AVEN: variants seen among roughly 807,000 people sequenced by gnomAD.
AVEN encodes the protein apoptosis and caspase activation inhibitor.
AVEN carries 41 observed loss-of-function variants against 38.1 expected under a neutral mutation model. The observed-to-expected ratio is 1.08, with a 90% CI of 0.84 to 1.40. The LOEUF (loss-of-function observed/expected upper bound fraction) is 1.40, where lower values mean the gene tolerates loss of function less well. AVEN is among the 40% of genes most tolerant of loss of function. AVEN has a pLI of 0.00. For missense variants in AVEN, 605 were observed against 438.8 expected (o/e 1.38, Z -3.38); for synonymous variants, 206 against 171.8 (o/e 1.20, Z -1.56).
intron 2 of AVEN, among the ~76,000 whole-genome samples, chr15:33,930,126 G>GA (rs1251585082): frequency 9.2e-5 from 14 of 152,058 alleles, no homozygotes; most frequent in African/African-American, 2.9e-4. Flanking sequence ...CAAAGCAATA[G>GA]AAAAAAATTA....
chr15:33,915,370 G>C (rs1369407044), intron 2 of AVEN, among the ~76,000 whole-genome samples: 1 of 152,150 alleles, frequency 6.6e-6, no homozygotes, highest in African/African-American at 2.4e-5. Context: ...GTGTGAAAGG[G>C]GGATCATCCA....
chr15:34,003,237 G>A (rs1209280092), intron 1 of AVEN, 28 bp from the exon 2 acceptor site: 1 of 1,608,294 alleles, frequency 6.2e-7, no homozygotes, highest in East Asian at 2.2e-5. Flanking sequence ...AAATCAATAA[G>A]TAAGCAGTGG....
Position 33,960,047 on chromosome 15 carries a change from G to A in AVEN, c.445+42985C>T, listed in dbSNP as rs76336984. The stretch of plus-strand genomic sequence containing the variant: ...GAAAAGGCAAGGCAAGGGCCTTGTC[G>A]GATGACCCTTCAGAGCCTCAACTTC... On this transcript the variant is annotated intron_variant, in intron 2 of 5. Coordinates refer to ENST00000306730, the MANE Select transcript of AVEN (RefSeq NM_020371.3). 8.5e-4 allele frequency among the ~76,000 whole-genome samples: 130 copies of A among 152,264 alleles called. 2 individuals carry two copies. In the East Asian group the frequency reaches 0.021, roughly 25 times the overall value.
chr15:34,023,437 T>C (rs556189882), intron 1 of AVEN, among the ~76,000 whole-genome samples: 46 of 152,276 alleles, frequency 3.0e-4, no homozygotes, highest in African/African-American at 1.0e-3. Context: ...CATCACATAA[T>C]GATAGCCGAT....
intron 2 of AVEN, among the ~76,000 whole-genome samples, chr15:33,976,379 T>A (rs1242505976): frequency 6.6e-6 from 1 of 152,240 alleles, no homozygotes; most frequent in Non-Finnish European, 1.5e-5. Flanking sequence ...TAAAATACTT[T>A]AAAATATTTT....
At chr15:33,853,674 G>A in the AVEN span, 2 of 1,613,292 alleles carry the variant, frequency 1.2e-6, no homozygotes, top group Non-Finnish European at 8.5e-7. Flanking sequence ...CGGCTTCTCT[G>A]GTGTCATGGT....
chr15:33,866,929 C>G (rs972074736), intron 5 of AVEN, among the ~76,000 whole-genome samples: 1 of 151,724 alleles, frequency 6.6e-6, no homozygotes, highest in African/African-American at 2.4e-5. Flanking sequence ...TCACACCTTG[C>G]TAGTTGGTTT....
intron 2 of AVEN, among the ~76,000 whole-genome samples, chr15:33,904,700 T>TATATATATATAC (rs1567406542): frequency 2.9e-4 from 18 of 63,120 alleles, no homozygotes; most frequent in African/African-American, 8.3e-4. Context: ...AAAAAATATA[T>TATATATATATAC]ATATATATAT....
At chr15:33,877,846 G>C (rs1400748463) in intron 2 of AVEN, among the ~76,000 whole-genome samples, 1 of 152,220 alleles carries the variant, frequency 6.6e-6, no homozygotes, top group East Asian at 1.9e-4. Flanking sequence ...CTACTCAGGA[G>C]GCTGAGGCAG....
At chr15:34,042,639 G>A (rs779480029), upstream of AVEN, among the ~76,000 whole-genome samples, 18 of 151,832 alleles carry the variant, frequency 1.2e-4, no homozygotes, top group Non-Finnish European at 2.5e-4. Context: ...CCGACCTCAG[G>A]TGATCCATCC....
At chr15:34,056,929 C>T (rs1260633844) in intron 5 of AVEN, among the ~76,000 whole-genome samples, 1 of 152,076 alleles carries the variant, frequency 6.6e-6, no homozygotes, top group Admixed American at 6.5e-5. Flanking sequence ...GTCCCAGCCA[C>T]TCAGGAGGTT....
downstream of AVEN, chr15:33,857,686 C>T (rs2079837785): frequency 1.3e-6 from 2 of 1,511,060 alleles, no homozygotes; most frequent in East Asian, 4.5e-5. Flanking sequence ...TGCCCGTCCT[C>T]ACTCTTCCTC....
chr15:34,009,376 C>G (rs1403194072), intron 1 of AVEN, among the ~76,000 whole-genome samples: 1 of 152,120 alleles, frequency 6.6e-6, no homozygotes, highest in Non-Finnish European at 1.5e-5. Context: ...CACATAAATG[C>G]ATATTTCTTC....
Position 33,916,886 on chromosome 15 carries a change from A to G in AVEN, c.446-40891T>C, listed in dbSNP as rs376515852. Among the ~76,000 whole-genome samples, 29 of 152,234 alleles carry G rather than the reference A, an allele frequency of 1.9e-4. No homozygotes were observed. In the East Asian group the frequency reaches 5.4e-3, roughly 28 times the overall value. ...GGGAGGCCTCAGGAAACTTACAAAC[A>G]TGGTGGAAGGGGAAGCAAACACACC... On this transcript the variant is annotated intron_variant, in intron 2 of 5. Transcript: ENST00000306730.
chr15:33,973,947 G>T (rs772656189), intron 2 of AVEN, among the ~76,000 whole-genome samples: 1 of 152,148 alleles, frequency 6.6e-6, no homozygotes, highest in Non-Finnish European at 1.5e-5. Flanking sequence ...CTGATAATAG[G>T]CAAGTAGGTA....
intron 2 of AVEN, among the ~76,000 whole-genome samples, chr15:33,904,694 A>C (rs58172808): frequency 1.8e-5 from 2 of 112,746 alleles, no homozygotes; most frequent in Non-Finnish European, 4.2e-5. Flanking sequence ...AAAAAAAAAA[A>C]ATATATATAT....
chr15:33,967,873 A>ATTTGT (rs138809866), intron 2 of AVEN, among the ~76,000 whole-genome samples: 147 of 151,190 alleles, frequency 9.7e-4, no homozygotes, highest in African/African-American at 3.2e-3. Flanking sequence ...AGGACTTATA[A>ATTTGT]TGCTTTACTC....
intron 2 of AVEN, among the ~76,000 whole-genome samples, chr15:33,984,913 T>C (rs958306708): frequency 2.6e-5 from 4 of 151,822 alleles, no homozygotes; most frequent in African/African-American, 9.7e-5. Context: ...TGTCATACAC[T>C]AACAATGAAA....
chr15:33,992,322 G>A (rs953369541), intron 2 of AVEN, among the ~76,000 whole-genome samples: 5 of 151,976 alleles, frequency 3.3e-5, no homozygotes, highest in Admixed American at 6.5e-5. Context: ...CCCGGGGGGC[G>A]GAGCTTGCAG....
Sources: allele counts gnomAD v4.1 joint callset (sites outside exome capture counted in the v4.1 genomes callset), GRCh38; gene constraint gnomAD v4.1.1; transcripts MANE v1.5; gene names NCBI Gene and HGNC (gene_info 2026-07-23, HGNC 2026-07-21).